The following TNRC6A variants were observed in gnomAD, a reference collection of about 807,000 sequenced individuals.
The protein encoded by TNRC6A is trinucleotide repeat containing adaptor 6A, also known as trinucleotide repeat-containing gene 6A protein.
A neutral mutation model predicts 221.2 loss-of-function variants in TNRC6A; 44 were observed. The observed-to-expected ratio is 0.20, with a 90% CI of 0.16 to 0.26. The LOEUF (loss-of-function observed/expected upper bound fraction) is 0.26, where lower values mean the gene tolerates loss of function less well. Among genes scored for constraint, TNRC6A ranks in the 10% least tolerant of loss-of-function variants. The pLI is 1.00. For missense variants in TNRC6A, 2,199 were observed against 2,404.4 expected (o/e 0.91, Z 1.79); for synonymous variants, 847 against 838.5 (o/e 1.01, Z -0.18).
At chr16:24,658,073 A>C (rs534329971) in intron 2 of TNRC6A, among the ~76,000 whole-genome samples, 13 of 152,132 alleles carry the variant, frequency 8.5e-5, no homozygotes, top group Non-Finnish European at 1.8e-4. Context: ...GCCTGGATAC[A>C]ATTTATATAG....
rs2058741590 is a variant in TNRC6A, at chr16:24,820,289, T to C, written c.5231T>C (p.Leu1744Ser). The change falls in exon 22 of 25, where the codon TTG becomes TCG. Residue 1744 changes from leucine (L) to serine (S), a missense_variant. By Grantham distance (145) the Leu-to-Ser change is moderately radical. Transcript: ENST00000395799. ...GGACTGACTGGTCAGAAGCCACCCT[T>C]GTCTACGTGGGATAATTCTCCCCTT... ...PPGLTGQKPPLSTWDNSPLRI... is the reference protein window; with the variant it reads ...PPGLTGQKPPSSTWDNSPLRI... 4 of 1,614,016 alleles carry C rather than the reference T, an allele frequency of 2.5e-6. No homozygotes were observed. The highest frequency in any genetic ancestry group is 1.7e-5 in the Admixed American group (1 of 59,998).
chr16:24,648,434 C>A lies in TNRC6A; in HGVS notation n.402+7425C>A, dbSNP rs567515676. Among the ~76,000 whole-genome samples, 3 of 152,116 alleles carry A rather than the reference C, an allele frequency of 2.0e-5. No homozygotes were observed. In the South Asian group the frequency reaches 6.2e-4, roughly 32 times the overall value. On this transcript the variant is annotated intron_variant and non_coding_transcript_variant, in intron 2 of 2. Transcript: ENST00000566108. ...TACAGGTGCCCACCACCACGCCTGG[C>A]TAATTTTTTGTATTTTTAGTAGAGA... is the stretch of plus-strand genomic sequence containing the variant.
At chr16:24,723,341 C>T (rs917634699) in intron 2 of TNRC6A, among the ~76,000 whole-genome samples, 18 of 152,186 alleles carry the variant, frequency 1.2e-4, no homozygotes, top group African/African-American at 4.1e-4. Flanking sequence ...TGCCTGTAAT[C>T]CCAGCACTTT....
Position 24,806,616 on chromosome 16 carries a change from C to T in TNRC6A, c.4372C>T (p.Arg1458Cys). 2 of 1,614,204 alleles carry T rather than the reference C, an allele frequency of 1.2e-6. No homozygotes were observed. Among genetic ancestry groups the T allele is most frequent in the East Asian group, 2.2e-5 (1 of 44,892 alleles). ...SVQQQMMQQS[R>C]QLDPNLLVKQ... ...GCAGCAGCAAATGATGCAACAATCT[C>T]GTCAACTTGATCCAAACCTGTTGGT... is the stretch of plus-strand genomic sequence containing the variant. The change falls in exon 17 of 25, where the codon CGT becomes TGT. Residue 1458 changes from arginine to cysteine, a missense_variant. Arg to Cys is a radical substitution (Grantham distance 180). Transcript: ENST00000395799.
intron 17 of TNRC6A, among the ~76,000 whole-genome samples, chr16:24,808,616 G>T (rs1193985220): frequency 6.6e-6 from 1 of 152,198 alleles, no homozygotes; most frequent in Non-Finnish European, 1.5e-5. Context: ...AATACGCATG[G>T]TATTAGAGAA....
rs1455401799 is a variant in TNRC6A at position 24,724,244 on chromosome 16, TTGTTTG to T, written n.403-26480_403-26475del. ...CTCTGGAAGCAAATCATTTGAGTGT[TTGTTTG>T]TTTGTTTGTCTGTTTTATCATTTAC... On this transcript the variant is annotated intron_variant and non_coding_transcript_variant, in intron 2 of 2. Transcript: ENST00000566108. 6.6e-5 allele frequency among the ~76,000 whole-genome samples: 9 copies of T among 135,436 alleles called. No homozygotes were observed. The Admixed American group carries it at 7.5e-4, about 11-fold the overall frequency. 88.9% of individuals were successfully genotyped at this position (135,436 alleles called of 152,430 possible).
chr16:24,717,404 C>G (rs1834046509), intron 2 of TNRC6A, among the ~76,000 whole-genome samples: 2 of 152,150 alleles, frequency 1.3e-5, no homozygotes, highest in Non-Finnish European at 2.9e-5. Flanking sequence ...AGGAGGACAG[C>G]CTCTAAGGAA....
intron 2 of TNRC6A, among the ~76,000 whole-genome samples, chr16:24,647,458 T>G (rs1902356092): frequency 6.6e-6 from 1 of 152,196 alleles, no homozygotes; most frequent in Non-Finnish European, 1.5e-5. Context: ...TTCAACTAAC[T>G]AATTTCATTG....
intron 2 of TNRC6A, among the ~76,000 whole-genome samples, chr16:24,708,561 T>C (rs1350654448): frequency 6.6e-6 from 1 of 152,016 alleles, no homozygotes; most frequent in Non-Finnish European, 1.5e-5. Flanking sequence ...TCTTTAGTGG[T>C]GAATTCTGAG....
chr16:24,807,139 G>A lies in TNRC6A; in HGVS notation c.4540+355G>A, dbSNP rs1192144803. Among the ~76,000 whole-genome samples the A allele has an allele frequency of 3.9e-5, 6 of 151,990 alleles. No individual in the cohort carries two copies. In the South Asian group the frequency reaches 8.3e-4, roughly 21 times the overall value. On this transcript the variant is annotated intron_variant, in intron 17 of 24. Coordinates refer to ENST00000395799, the MANE Select transcript of TNRC6A (RefSeq NM_014494.4). ...TCGCACCTCAGCTTCCCGAGTAGCT[G>A]GGATTACAGGCGCGCACCACCACGC...
chr16:24,823,423 C>CT lies in TNRC6A; in HGVS notation c.5514-8dup. ...GTCCTCACGTGTCCGCGGTGCCTCT[C>CT]TCCTCTAGGTGTGTACTGGGGAACA... On this transcript the variant is annotated splice_polypyrimidine_tract_variant and intron_variant, in intron 24 of 24. Transcript: ENST00000395799. The surrounding 1 kb of genome is among the most constrained non-coding windows in gnomAD (Gnocchi z 4.3). 1.2e-6 allele frequency: 2 copies of CT among 1,600,076 alleles called. No homozygotes were observed. Among genetic ancestry groups the CT allele is most frequent in the South Asian group, 2.2e-5 (2 of 89,488 alleles).
At chr16:24,682,389 C>CTTTT (rs563276976) in intron 2 of TNRC6A, among the ~76,000 whole-genome samples, 5 of 130,410 alleles carry the variant, frequency 3.8e-5, no homozygotes, top group Non-Finnish European at 4.8e-5. Context: ...CCACGCCCAG[C>CTTTT]TTTTTTTTTT....
intron 3 of TNRC6A, among the ~76,000 whole-genome samples, chr16:24,752,054 G>A (rs2057149308): frequency 6.6e-6 from 1 of 152,144 alleles, no homozygotes; most frequent in South Asian, 2.1e-4. Context: ...GGAAAGGCTA[G>A]GAGGTTTTCT....
At chr16:24,693,788 T>C (rs1287886413) in intron 2 of TNRC6A, among the ~76,000 whole-genome samples, 1 of 151,134 alleles carries the variant, frequency 6.6e-6, no homozygotes, top group Non-Finnish European at 1.5e-5. Flanking sequence ...TAGTCCTAGC[T>C]ACTCAGGGGG....
chr16:24,787,320 A>G (rs964677669), intron 5 of TNRC6A, among the ~76,000 whole-genome samples: 1 of 152,214 alleles, frequency 6.6e-6, no homozygotes, highest in Non-Finnish European at 1.5e-5. Flanking sequence ...ACCTTGCTTT[A>G]TGAAGGATTC....
intron 9 of TNRC6A, 64 bp from the exon 10 acceptor site, chr16:24,797,426 C>T (rs370307095): frequency 1.3e-5 from 16 of 1,210,278 alleles, no homozygotes; most frequent in African/African-American, 4.7e-5. Flanking sequence ...TTTATTAATC[C>T]GTCACTATAC....
chr16:24,643,097 TATATATATATAAA>T (rs1438025410), intron 2 of TNRC6A, among the ~76,000 whole-genome samples: 105 of 63,292 alleles, frequency 1.7e-3, no homozygotes, highest in African/African-American at 4.5e-3. Flanking sequence ...ATATATTTTA[TATATATATATAAA>T]ATATATATAT....
rs111592748 is a variant in TNRC6A, at chr16:24,789,010, G to A, written c.590-222G>A. Among the ~76,000 whole-genome samples the A allele has an allele frequency of 8.5e-5, 13 of 152,256 alleles. 1 individual carries two copies. Among genetic ancestry groups the A allele is most frequent in the African/African-American group, 2.6e-4 (11 of 41,542 alleles). On this transcript the variant is annotated intron_variant, in intron 5 of 24. Coordinates refer to ENST00000395799, the MANE Select transcript of TNRC6A (RefSeq NM_014494.4). The stretch of plus-strand genomic sequence containing the variant: ...TCATTCAGCAAGTATTTATCAAGGG[G>A]CTGTTATGTCCTCTAGGATCTTAGG...
At chr16:24,684,361 G>A (rs999616360) in intron 2 of TNRC6A, among the ~76,000 whole-genome samples, 5 of 151,938 alleles carry the variant, frequency 3.3e-5, no homozygotes, top group Non-Finnish European at 5.9e-5. Context: ...AGCTGAGATC[G>A]AGCCACCGCA....
Sources: gnomAD v4.1 joint callset for allele counts (sites outside exome capture counted in the v4.1 genomes callset) on GRCh38, gnomAD v4.1.1 for gene constraint, Gnocchi (gnomAD v3.1) non-coding constraint, MANE v1.5 for transcripts, NCBI Gene and HGNC (gene_info 2026-07-23, HGNC 2026-07-21) for gene names.